The following COL19A1 variants were observed in gnomAD, a reference collection of about 807,000 sequenced individuals.
COL19A1 encodes collagen type XIX alpha 1 chain, also known as collagen alpha-1(XIX) chain.
A neutral mutation model predicts 190.2 loss-of-function variants in COL19A1; 159 were observed. That is an observed-to-expected ratio of 0.84 (90% confidence interval 0.73 to 0.95). The LOEUF (loss-of-function observed/expected upper bound fraction) is 0.95, where lower values mean the gene tolerates loss of function less well. Ranked by LOEUF, COL19A1 falls within the 40% of genes least tolerant of loss-of-function variation. The pLI is 0.00. For synonymous variants in COL19A1, 509 were observed against 458.9 expected (o/e 1.11, Z -1.39); for missense variants, 1,418 against 1,431.9 (o/e 0.99, Z 0.16).
At chr6:69,920,239 T>A (rs2149997366) in intron 4 of COL19A1, among the ~76,000 whole-genome samples, 1 of 152,334 alleles carries the variant, frequency 6.6e-6, no homozygotes, top group East Asian at 1.9e-4. Context: ...TGGCAGTGGT[T>A]CTGACACCTG....
At chr6:70,181,515 C>A (rs1766175501) in intron 44 of COL19A1, among the ~76,000 whole-genome samples, 1 of 151,974 alleles carries the variant, frequency 6.6e-6, no homozygotes. Flanking sequence ...TAAAGCCTGC[C>A]ACTGAGTTCC....
At chr6:69,876,672 G>C (rs951176255) in intron 1 of COL19A1, among the ~76,000 whole-genome samples, 1 of 152,146 alleles carries the variant, frequency 6.6e-6, no homozygotes, top group African/African-American at 2.4e-5. Flanking sequence ...TGTCACCACT[G>C]TGCCAAACTA....
At chr6:70,103,287 G>A (rs113165233) in intron 16 of COL19A1, among the ~76,000 whole-genome samples, 82 of 152,052 alleles carry the variant, frequency 5.4e-4, no homozygotes, top group African/African-American at 1.8e-3. Context: ...CACTGTCAAC[G>A]GCCTTAGTTT....
At position 69,898,988 on chromosome 6, in the gene COL19A1, G is replaced by T; in HGVS notation, c.132G>T (p.Leu44=). The T allele has an allele frequency of 1.2e-6, 2 of 1,612,290 alleles. No individual in the cohort carries two copies. The highest frequency in any genetic ancestry group is 2.2e-5 in the East Asian group (1 of 44,770). The change falls in exon 3 of 51, where the codon CTG becomes CTT. Residue 44 remains leucine (L), a synonymous_variant. Transcript: ENST00000620364. ...CPILRIEGHQ[L]TYDNINKLEV... Reference sequence around the variant, plus strand: ...TCCTGAGAATAGAGGGACATCAGCTGACATATGACAACATAAACAAACTTG... The same window carrying T: ...TCCTGAGAATAGAGGGACATCAGCTTACATATGACAACATAAACAAACTTG...
At chr6:69,896,403 G>A (rs1437847229) in intron 2 of COL19A1, among the ~76,000 whole-genome samples, 9 of 151,816 alleles carry the variant, frequency 5.9e-5, no homozygotes, top group African/African-American at 2.2e-4. Context: ...CGGGCGCGGT[G>A]GCGGGTGCCT....
intron 27 of COL19A1, among the ~76,000 whole-genome samples, chr6:70,147,298 C>G (rs1290219928): frequency 6.6e-6 from 1 of 151,802 alleles, no homozygotes; most frequent in African/African-American, 2.4e-5. Context: ...TGAAATGACA[C>G]CAAAAAGGTC....
chr6:69,927,890 C>A lies in COL19A1; in HGVS notation c.267-19C>A. 1 of 1,581,870 alleles carries A rather than the reference C, an allele frequency of 6.3e-7. No homozygotes were observed. On this transcript the variant is annotated intron_variant, in intron 4 of 50. Transcript: ENST00000620364. ...AATCTCCAGTTTCCCCACAAAAGTT[C>A]TTTGTTTTCCTCCCACAGTAAGATA...
chr6:70,200,735 G>T (rs1767496624), intron 49 of COL19A1, among the ~76,000 whole-genome samples: 1 of 152,144 alleles, frequency 6.6e-6, no homozygotes, highest in Non-Finnish European at 1.5e-5. Context: ...GGTGACTGAT[G>T]TGCCCTTCCT....
At chr6:70,017,676 T>A (rs1178674041) in intron 11 of COL19A1, among the ~76,000 whole-genome samples, 1 of 152,074 alleles carries the variant, frequency 6.6e-6, no homozygotes, top group East Asian at 1.9e-4. Flanking sequence ...TTAGAGGATC[T>A]AGCAAAAATG....
chr6:70,025,880 T>C (rs1478947557), intron 12 of COL19A1, among the ~76,000 whole-genome samples: 1 of 152,208 alleles, frequency 6.6e-6, no homozygotes, highest in African/African-American at 2.4e-5. Flanking sequence ...GTAAAATACA[T>C]ATGATTTGGC....
intron 34 of COL19A1, among the ~76,000 whole-genome samples, 167 bp from the exon 35 acceptor site, chr6:70,161,733 G>T (rs969281216): frequency 6.6e-6 from 1 of 151,948 alleles, no homozygotes; most frequent in Non-Finnish European, 1.5e-5. Flanking sequence ...TTTTATTTTT[G>T]AAATTAAAAA....
At chr6:69,901,834 A>C (rs1224450460) in intron 4 of COL19A1, among the ~76,000 whole-genome samples, 1 of 152,382 alleles carries the variant, frequency 6.6e-6, no homozygotes, top group East Asian at 1.9e-4. Flanking sequence ...GGATTTTGGC[A>C]AAAGGAGTGA....
intron 17 of COL19A1, among the ~76,000 whole-genome samples, chr6:70,125,542 C>A (rs953792962): frequency 6.6e-6 from 1 of 151,696 alleles, no homozygotes; most frequent in African/African-American, 2.4e-5. Context: ...GTATGAGAAA[C>A]CCTCTCTCCT....
Position 70,176,564 on chromosome 6 carries a change from G to T in COL19A1, c.2667G>T (p.Ser889=). 1 of 1,613,042 alleles carries T rather than the reference G, an allele frequency of 6.2e-7. No homozygotes were observed. The highest frequency in any genetic ancestry group is 8.5e-7 in the Non-Finnish European group (1 of 1,179,536). ...PAGPPGIAGM[S]GKPGAPGPPG... is the part of the protein sequence containing the mutation. ...GTCCCCCAGGAATAGCAGGGATGTC[G>T]GTGAGTTCAGATTACTTCACATCAT... Residue 889 remains serine, a splice_region_variant and synonymous_variant, in exon 42 of 51, where the codon TCG becomes TCT. Transcript: ENST00000620364.
intron 27 of COL19A1, among the ~76,000 whole-genome samples, chr6:70,148,255 G>T (rs558948173): frequency 7.2e-4 from 107 of 149,498 alleles, no homozygotes; most frequent in Admixed American, 2.1e-3. Context: ...CTGGTGATCA[G>T]CTCCTATCCA....
Position 70,144,998 on chromosome 6 carries a change from A to G in COL19A1, c.1761A>G (p.Pro587=). 1.3e-6 allele frequency: 2 copies of G among 1,585,484 alleles called. No homozygotes were observed. The highest frequency in any genetic ancestry group is 1.7e-6 in the Non-Finnish European group (2 of 1,163,900). The change falls in exon 25 of 51, where the codon CCA becomes CCG. Residue 587 remains proline, a synonymous_variant. Coordinates refer to ENST00000620364, the MANE Select transcript of COL19A1 (RefSeq NM_001858.6). ...GEAGPPGKSL[P]GEPGLDGNPG... The stretch of plus-strand genomic sequence containing the variant: ...CTGGTCCTCCAGGGAAAAGCCTGCC[A>G]GGGGAACCAGTAAGTATTAGCCCTT...
At chr6:69,971,446 C>T (rs1237478559) in intron 11 of COL19A1, among the ~76,000 whole-genome samples, 1 of 152,122 alleles carries the variant, frequency 6.6e-6, no homozygotes, top group Non-Finnish European at 1.5e-5. Flanking sequence ...AAAACCCTCA[C>T]GAGAACTAGC....
At chr6:69,941,904 G>T (rs1191352042) in intron 9 of COL19A1, among the ~76,000 whole-genome samples, 1 of 152,002 alleles carries the variant, frequency 6.6e-6, no homozygotes, top group African/African-American at 2.4e-5. Flanking sequence ...TGACCAGGCT[G>T]GTCTCGAACT....
At chr6:70,108,815 A>T (rs1213650453) in intron 16 of COL19A1, among the ~76,000 whole-genome samples, 1 of 152,132 alleles carries the variant, frequency 6.6e-6, no homozygotes, top group African/African-American at 2.4e-5. Flanking sequence ...ATGTACATTC[A>T]TGTTTCTATT....
Sources: gnomAD v4.1 joint callset for allele counts (sites outside exome capture counted in the v4.1 genomes callset) on GRCh38, gnomAD v4.1.1 for gene constraint, MANE v1.5 for transcripts, NCBI Gene and HGNC (gene_info 2026-07-23, HGNC 2026-07-21) for gene names.